ARNT: variants seen among roughly 807,000 people sequenced by gnomAD.
The protein encoded by ARNT is aryl hydrocarbon receptor nuclear translocator.
Under a neutral mutation model 105.0 loss-of-function variants are expected in ARNT, and 30 were observed. That is an observed-to-expected ratio of 0.29 (90% confidence interval 0.21 to 0.39). The LOEUF (loss-of-function observed/expected upper bound fraction) is 0.39, where lower values mean the gene tolerates loss of function less well. Ranked by LOEUF, ARNT falls within the 10% of genes least tolerant of loss-of-function variation. The pLI, the probability that ARNT is intolerant of heterozygous loss-of-function variation, is 1.00. For missense variants in ARNT, 748 were observed against 978.7 expected (o/e 0.76, Z 3.15); for synonymous variants, 304 against 344.0 (o/e 0.88, Z 1.29).
intron 2 of ARNT, among the ~76,000 whole-genome samples, chr1:150,855,545 A>C (rs1179585483): frequency 1.3e-5 from 2 of 151,510 alleles, no homozygotes; most frequent in Non-Finnish European, 2.9e-5. Flanking sequence ...CTGGACAACA[A>C]AGCGAGACTC....
intron 2 of ARNT, among the ~76,000 whole-genome samples, chr1:150,854,110 A>C (rs1664114482): frequency 6.6e-6 from 1 of 152,028 alleles, no homozygotes; most frequent in Non-Finnish European, 1.5e-5. Flanking sequence ...TTAAGAGACA[A>C]GCTCTCACTC....
intron 1 of ARNT, among the ~76,000 whole-genome samples, chr1:150,868,176 C>T (rs1052210352): frequency 2.6e-5 from 4 of 151,774 alleles, no homozygotes; most frequent in Admixed American, 6.6e-5. Context: ...AGCCCCAAGC[C>T]GGGCACTGTG....
In ARNT at chr1:150,810,632, TAAAAA is replaced by T. The variant is rs71645814; in HGVS notation, c.*1384_*1388del. 1 of 162,500 alleles carries T rather than the reference TAAAAA, an allele frequency of 6.2e-6. No individual in the cohort carries two copies. The highest frequency in any genetic ancestry group is 8.9e-5 in the East Asian group (1 of 11,198). 10.1% of individuals were successfully genotyped at this position (162,500 alleles called of 1,614,324 possible). On this transcript the variant is annotated 3_prime_UTR_variant, in exon 22 of 22. Transcript: ENST00000358595. The stretch of plus-strand genomic sequence containing the variant: ...CTTTAGCTACTGGCCAAAGCCAATT[TAAAAA>T]AAAAAAAAAAAAAGCTGGTATCTAC...
At chr1:150,873,865 A>G (rs587615991) in intron 1 of ARNT, among the ~76,000 whole-genome samples, 309 of 152,186 alleles carry the variant, frequency 2.0e-3, no homozygotes, top group Middle Eastern at 3.4e-3. Context: ...GGCTACAGTG[A>G]GCTGTGATTA....
intron 1 of ARNT, among the ~76,000 whole-genome samples, chr1:150,860,215 A>AAATTTTT (rs1221352608): frequency 1.1e-4 from 7 of 65,620 alleles, no homozygotes; most frequent in Non-Finnish European, 2.0e-4. Flanking sequence ...AAAAAAAAAA[A>AAATTTTT]TTCTTTTTTT....
At chr1:150,813,136 A>G in intron 21 of ARNT, 36 bp downstream of exon 21, 3 of 1,598,044 alleles carry the variant, frequency 1.9e-6, no homozygotes, top group Non-Finnish European at 1.7e-6. Context: ...TTTCTCTCCC[A>G]GCTTCTAATT....
intron 2 of ARNT, among the ~76,000 whole-genome samples, chr1:150,855,336 C>T (rs962452319): frequency 2.4e-4 from 36 of 151,498 alleles, no homozygotes; most frequent in Non-Finnish European, 5.9e-5. Flanking sequence ...AGGCGGATCA[C>T]GAAGTCAGGA....
intron 1 of ARNT, among the ~76,000 whole-genome samples, chr1:150,871,364 G>T (rs777674864): frequency 7.1e-6 from 1 of 141,090 alleles, no homozygotes; most frequent in African/African-American, 2.6e-5. Context: ...GCAGTGGTAC[G>T]ATCTCAGCTC....
intron 2 of ARNT, among the ~76,000 whole-genome samples, chr1:150,857,862 T>G (rs1002947396): frequency 1.3e-5 from 2 of 152,230 alleles, no homozygotes; most frequent in Non-Finnish European, 1.5e-5. Context: ...GTATCCTACT[T>G]GGAATCAGCA....
chr1:150,825,460 T>A (rs1571236646), intron 13 of ARNT, among the ~76,000 whole-genome samples: 1 of 152,328 alleles, frequency 6.6e-6, no homozygotes, highest in Admixed American at 6.5e-5. Flanking sequence ...AAAAGCCATG[T>A]CTATAAAATT....
At chr1:150,854,754 G>C (rs778304969) in intron 2 of ARNT, among the ~76,000 whole-genome samples, 2 of 151,234 alleles carry the variant, frequency 1.3e-5, no homozygotes, top group Non-Finnish European at 2.9e-5. Flanking sequence ...CTACTCGGGA[G>C]GCTGAGGCAT....
At chr1:150,862,335 G>A (rs2102352753) in intron 1 of ARNT, among the ~76,000 whole-genome samples, 2 of 152,186 alleles carry the variant, frequency 1.3e-5, no homozygotes, top group Middle Eastern at 3.4e-3. Flanking sequence ...ACCTGCCAAG[G>A]AGGTTATACC....
At chr1:150,823,395 CA>C (rs1273346380) in intron 13 of ARNT, 50 bp from the exon 14 acceptor site, 1 of 1,517,044 alleles carries the variant, frequency 6.6e-7, no homozygotes, top group African/African-American at 1.4e-5. Flanking sequence ...ATTTTCATTA[CA>C]AAAATAAATA....
chr1:150,851,380 C>T (rs1443927447), intron 3 of ARNT, among the ~76,000 whole-genome samples: 6 of 152,114 alleles, frequency 3.9e-5, no homozygotes, highest in Non-Finnish European at 7.4e-5. Flanking sequence ...TCATTGAGAA[C>T]GGGCCATGAT....
intron 3 of ARNT, 90 bp from the exon 4 acceptor site, chr1:150,846,397 T>C: frequency 7.5e-7 from 1 of 1,324,534 alleles, no homozygotes; most frequent in Non-Finnish European, 1.1e-6. Context: ...GTGAAAATAT[T>C]CAATAGAAAA....
intron 6 of ARNT, among the ~76,000 whole-genome samples, chr1:150,837,967 A>G (rs967364291): frequency 3.3e-5 from 5 of 152,140 alleles, no homozygotes; most frequent in Non-Finnish European, 5.9e-5. Flanking sequence ...ATTCAGTTTT[A>G]TCGATTCTAC....
chr1:150,822,335 A>T (rs993161636), intron 14 of ARNT, among the ~76,000 whole-genome samples: 1 of 152,162 alleles, frequency 6.6e-6, no homozygotes, highest in African/African-American at 2.4e-5. Flanking sequence ...ATGGGGGCTC[A>T]TCTCTGGAAA....
At chr1:150,830,913 A>G in intron 10 of ARNT, among the ~76,000 whole-genome samples, 1 of 152,318 alleles carries the variant, frequency 6.6e-6, no homozygotes, top group South Asian at 2.1e-4. Context: ...TTCAAATGTC[A>G]TTACTACTTC....
At chr1:150,867,611 T>A (rs988972997) in intron 1 of ARNT, among the ~76,000 whole-genome samples, 3 of 151,982 alleles carry the variant, frequency 2.0e-5, no homozygotes, top group Admixed American at 6.6e-5. Flanking sequence ...ATTTTTGGAG[T>A]CTTTTATACA....
Sources: allele counts gnomAD v4.1 joint callset (sites outside exome capture counted in the v4.1 genomes callset), GRCh38; gene constraint gnomAD v4.1.1; transcripts MANE v1.5; gene names NCBI Gene and HGNC (gene_info 2026-07-23, HGNC 2026-07-21).